Variants in MUSK observed in about 807,000 individuals in gnomAD.
The protein encoded by MUSK is muscle, skeletal receptor tyrosine-protein kinase.
In MUSK, 55 loss-of-function variants were observed where a neutral mutation model predicts 88.7. That is an observed-to-expected ratio of 0.62 (90% CI 0.50 to 0.78). The LOEUF (loss-of-function observed/expected upper bound fraction) is 0.78. MUSK is among the 30% of genes least tolerant of loss of function. MUSK has a pLI of 0.00. For synonymous variants in MUSK, 387 were observed against 391.9 expected, an observed-to-expected ratio of 0.99 and a Z score of 0.15; for missense variants, 1,015 against 1,074.3, an observed-to-expected ratio of 0.94 and a Z score of 0.77.
intron 1 of MUSK, among the ~76,000 whole-genome samples, chr9:110,677,978 G>A (rs970288111): frequency 2.5e-4 from 38 of 151,892 alleles, no homozygotes; most frequent in Middle Eastern, 3.4e-3. Context: ...TAATAATTTT[G>A]AAATTTATGA....
chr9:110,673,984 TTATTA>T (rs1256139989), intron 1 of MUSK, among the ~76,000 whole-genome samples: 1 of 152,224 alleles, frequency 6.6e-6, no homozygotes, highest in Non-Finnish European at 1.5e-5. Context: ...ATATTCTATA[TTATTA>T]GTAATCTTCC....
At chr9:110,787,380 A>AC (rs1220546073) in intron 13 of MUSK, among the ~76,000 whole-genome samples, 1 of 151,146 alleles carries the variant, frequency 6.6e-6, no homozygotes, top group Non-Finnish European at 1.5e-5. Context: ...AAAAAAAAAA[A>AC]AAGGTTAGGA....
chr9:110,675,845 G>A (rs2076020806), intron 1 of MUSK, among the ~76,000 whole-genome samples: 1 of 152,048 alleles, frequency 6.6e-6, no homozygotes, highest in Non-Finnish European at 1.5e-5. Context: ...ACAGGCGTGA[G>A]CCACCGCACC....
chr9:110,787,361 CAAA>C (rs10659550), intron 13 of MUSK, among the ~76,000 whole-genome samples: 108 of 91,390 alleles, frequency 1.2e-3, no homozygotes, highest in South Asian at 4.7e-3. Context: ...GACTCTGTCT[CAAA>C]AAAAAAAAAA....
At chr9:110,689,668 G>A (rs1223454192) in intron 3 of MUSK, among the ~76,000 whole-genome samples, 7 of 7,838 alleles carry the variant, frequency 8.9e-4, no homozygotes, top group South Asian at 2.6e-3. Flanking sequence ...AATATACATA[G>A]TATATTATAT....
intron 1 of MUSK, among the ~76,000 whole-genome samples, chr9:110,680,032 G>T (rs1301287351): frequency 6.6e-6 from 1 of 151,760 alleles, no homozygotes; most frequent in African/African-American, 2.4e-5. Context: ...CTTTCTTTCT[G>T]GTATAAATTA....
At chr9:110,747,295 C>T (rs1216747867) in intron 6 of MUSK, among the ~76,000 whole-genome samples, 1 of 152,224 alleles carries the variant, frequency 6.6e-6, no homozygotes, top group Admixed American at 6.5e-5. Flanking sequence ...AGGTGTGTTT[C>T]ATCTTCTACC....
chr9:110,749,925 T>C (rs758516613), intron 7 of MUSK, among the ~76,000 whole-genome samples: 6 of 152,192 alleles, frequency 3.9e-5, no homozygotes, highest in Admixed American at 1.3e-4. Context: ...AAAATGTTGA[T>C]GCCTTTGAAT....
chr9:110,700,138 C>T (rs1281365814), intron 5 of MUSK, among the ~76,000 whole-genome samples: 2 of 152,144 alleles, frequency 1.3e-5, no homozygotes, highest in African/African-American at 2.4e-5. Context: ...CTAACTCAAG[C>T]GTGGTGCAGC....
chr9:110,753,091 T>A (rs1359277475), intron 7 of MUSK, among the ~76,000 whole-genome samples: 2 of 151,962 alleles, frequency 1.3e-5, no homozygotes, highest in African/African-American at 4.8e-5. Context: ...GTGAGCATAG[T>A]CCTAAAACAG....
At chr9:110,762,566 GA>G (rs938075368) in intron 8 of MUSK, among the ~76,000 whole-genome samples, 24 of 146,438 alleles carry the variant, frequency 1.6e-4, no homozygotes, top group Middle Eastern at 3.6e-3. Context: ...CTATTTTGCA[GA>G]AAAAAAAAAT....
At chr9:110,701,659 T>C (rs1188670065) in intron 5 of MUSK, among the ~76,000 whole-genome samples, 2 of 30,202 alleles carry the variant, frequency 6.6e-5, no homozygotes, top group Non-Finnish European at 1.2e-4. Flanking sequence ...GCTATTTATT[T>C]TATTTATTTT....
intron 3 of MUSK, among the ~76,000 whole-genome samples, chr9:110,690,991 A>T (rs1055870528): frequency 3.3e-5 from 5 of 150,834 alleles, no homozygotes; most frequent in African/African-American, 1.2e-4. Context: ...CAGCCTCCCA[A>T]GTAGCTGAGA....
chr9:110,760,637 C>A (rs1940245), intron 7 of MUSK, among the ~76,000 whole-genome samples: 34,865 of 151,740 alleles, frequency 0.23, 4,224 homozygotes, highest in East Asian at 0.36. Context: ...GGTTAGTACG[C>A]GGGTGATGAA....
intron 1 of MUSK, among the ~76,000 whole-genome samples, chr9:110,674,546 C>G (rs1481031035): frequency 6.6e-6 from 1 of 151,920 alleles, no homozygotes; most frequent in East Asian, 1.9e-4. Context: ...ACCTATATGC[C>G]TTTCTATATG....
chr9:110,682,659 C>T lies in MUSK; in HGVS notation c.80-15C>T. On this transcript the variant is annotated splice_polypyrimidine_tract_variant and intron_variant, in intron 1 of 14. Coordinates refer to ENST00000374448, the MANE Select transcript of MUSK (RefSeq NM_005592.4). ...ATTCTAGAATGTTCTCTTTTGATTTCTCCTTTCCTTTCAGCTCCTGTCATC... is the reference window on the plus strand; with the variant it reads ...ATTCTAGAATGTTCTCTTTTGATTTTTCCTTTCCTTTCAGCTCCTGTCATC... 3 of 1,609,042 alleles carry T rather than the reference C, an allele frequency of 1.9e-6. No homozygotes were observed. The highest frequency in any genetic ancestry group is 2.5e-6 in the Non-Finnish European group (3 of 1,177,396).
chr9:110,747,681 T>G lies in MUSK; in HGVS notation c.794T>G (p.Val265Gly). The G allele has an allele frequency of 1.9e-6, 3 of 1,613,724 alleles. No individual in the cohort carries two copies. Among genetic ancestry groups the G allele is most frequent in the Non-Finnish European group, 2.5e-6 (3 of 1,179,754 alleles). The stretch of plus-strand genomic sequence containing the variant: ...ATTCAAGAGAGTGTGAAAGACCGAG[T>G]GATTGACTCAAGACTGCAGCTGTTT... Reference protein sequence around the residue: ...GSIQESVKDRVIDSRLQLFIT... With the variant: ...GSIQESVKDRGIDSRLQLFIT... Residue 265 changes from valine to glycine, a missense_variant, in exon 7 of 15, where the codon GTG (valine) becomes GGG (glycine). Transcript: ENST00000374448.
At chr9:110,672,545 T>C (rs1161901803) in intron 1 of MUSK, among the ~76,000 whole-genome samples, 1 of 152,104 alleles carries the variant, frequency 6.6e-6, no homozygotes, top group African/African-American at 2.4e-5. Context: ...GTTGGAGTTA[T>C]ATGGCAGCGT....
chr9:110,804,499 G>A lies in MUSK; in HGVS notation c.*3511G>A, dbSNP rs1331486718. 2.6e-5 allele frequency among the ~76,000 whole-genome samples: 4 copies of A among 151,852 alleles called. No individual in the cohort carries two copies. The highest frequency in any genetic ancestry group is 2.9e-5 in the Non-Finnish European group (2 of 67,906). ...TTTAATTTTATTTTTTAAATTACTA[G>A]TCAGGTTGAATGTTTCTTGTTCCTA... On this transcript the variant is annotated 3_prime_UTR_variant, in exon 15 of 15. Transcript: ENST00000374448.
Sources: gnomAD v4.1 joint callset for allele counts (sites outside exome capture counted in the v4.1 genomes callset) on GRCh38, gnomAD v4.1.1 for gene constraint, MANE v1.5 for transcripts, NCBI Gene and HGNC (gene_info 2026-07-23, HGNC 2026-07-21) for gene names.